The following CRPPA variants were observed in gnomAD, a reference collection of about 807,000 sequenced individuals.
The protein encoded by CRPPA is D-ribitol-5-phosphate cytidylyltransferase.
CRPPA carries 43 observed loss-of-function variants against 52.0 expected under a neutral mutation model. The observed-to-expected ratio is 0.83, with a 90% CI of 0.65 to 1.07. The LOEUF (loss-of-function observed/expected upper bound fraction) is 1.07, where lower values mean the gene tolerates loss of function less well. Among genes scored for constraint, CRPPA ranks in the 50% least tolerant of loss-of-function variants. The pLI is 0.00. For missense variants in CRPPA, 629 were observed against 551.7 expected, an observed-to-expected ratio of 1.14 and a Z score of -1.40; for synonymous variants, 250 against 203.5, an observed-to-expected ratio of 1.23 and a Z score of -1.94.
At chr7:16,345,151 G>A (rs1785979699) in intron 3 of CRPPA, among the ~76,000 whole-genome samples, 1 of 152,144 alleles carries the variant, frequency 6.6e-6, no homozygotes, top group African/African-American at 2.4e-5. Context: ...AAGATTAACA[G>A]CTTACTTCTC....
In CRPPA at chr7:16,376,073, A is replaced by T; in HGVS notation, c.684+19T>A. 6.4e-7 allele frequency: 1 copy of T among 1,552,248 alleles called. No homozygotes were observed. Among genetic ancestry groups the T allele is most frequent in the Non-Finnish European group, 8.7e-7 (1 of 1,149,302 alleles). The stretch of plus-strand genomic sequence containing the variant: ...AACCTGACATAACAGCAGCTTATTC[A>T]AAAAGCCCAAATTCTTACCTGCTGA... On this transcript the variant is annotated intron_variant, in intron 3 of 9. Transcript: ENST00000407010.
At position 16,162,973 on chromosome 7, in the gene CRPPA, CT is replaced by C. The variant is rs377244023; in HGVS notation, c.1251+53092del. Among the ~76,000 whole-genome samples, 247 of 120,818 alleles carry C rather than the reference CT, an allele frequency of 2.0e-3. 1 individual carries two copies. The highest frequency in any genetic ancestry group is 5.9e-3 in the African/African-American group (197 of 33,518). The allele number at this position is 120,818 out of a possible 152,430, so 79.3% of individuals were successfully genotyped here. On this transcript the variant is annotated intron_variant, in intron 9 of 9. Coordinates refer to ENST00000407010, the MANE Select transcript of CRPPA (RefSeq NM_001101426.4). ...TTTTTTTCTTTTTCTTTTTCTTTCTCTTTTTTTTTTTTTTTTTTGAGACGGA... is the reference window on the plus strand; with the variant it reads ...TTTTTTTCTTTTTCTTTTTCTTTCTCTTTTTTTTTTTTTTTTTGAGACGGA...
chr7:16,381,534 C>G (rs1787089026), intron 2 of CRPPA, among the ~76,000 whole-genome samples: 1 of 152,030 alleles, frequency 6.6e-6, no homozygotes, highest in Non-Finnish European at 1.5e-5. Flanking sequence ...GAGTTCAATT[C>G]CTGGGTATCC....
chr7:16,148,811 G>T (rs539495110), intron 9 of CRPPA, among the ~76,000 whole-genome samples: 13 of 152,086 alleles, frequency 8.5e-5, no homozygotes, highest in African/African-American at 3.1e-4. Flanking sequence ...AAAGTTAGGT[G>T]GATTTTAAAT....
intron 9 of CRPPA, among the ~76,000 whole-genome samples, chr7:16,154,814 T>C (rs1462124524): frequency 1.3e-5 from 2 of 151,662 alleles, no homozygotes; most frequent in East Asian, 1.9e-4. Context: ...TGGGTCTTTT[T>C]TTTTTTTTTT....
intron 8 of CRPPA, among the ~76,000 whole-genome samples, chr7:16,230,803 T>A (rs1423354095): frequency 6.6e-6 from 1 of 152,196 alleles, no homozygotes; most frequent in African/African-American, 2.4e-5. Flanking sequence ...GGTATAGCTC[T>A]GTAGCAGGTG....
At chr7:16,182,850 C>A (rs1343867911) in intron 9 of CRPPA, among the ~76,000 whole-genome samples, 2 of 152,086 alleles carry the variant, frequency 1.3e-5, no homozygotes, top group Admixed American at 6.6e-5. Flanking sequence ...TTTGAGTGTA[C>A]CCTCATAGAA....
chr7:16,293,605 C>CATT (rs1020932252), intron 5 of CRPPA, among the ~76,000 whole-genome samples: 7 of 151,966 alleles, frequency 4.6e-5, no homozygotes, highest in African/African-American at 1.7e-4. Context: ...ACCAACAAGG[C>CATT]ATTACTACAA....
At chr7:16,115,401 A>G (rs926461109) in intron 9 of CRPPA, among the ~76,000 whole-genome samples, 25 of 152,298 alleles carry the variant, frequency 1.6e-4, no homozygotes, top group African/African-American at 6.0e-4. Context: ...CGAGATATCA[A>G]CAAATGGTTT....
chr7:16,118,205 C>A (rs1304964707), intron 9 of CRPPA, among the ~76,000 whole-genome samples: 1 of 152,166 alleles, frequency 6.6e-6, no homozygotes, highest in Non-Finnish European at 1.5e-5. Context: ...TTGGGCGCAC[C>A]ACCCAAGGAG....
At chr7:16,177,399 A>G (rs955785028) in intron 9 of CRPPA, among the ~76,000 whole-genome samples, 4 of 152,178 alleles carry the variant, frequency 2.6e-5, no homozygotes, top group Admixed American at 6.5e-5. Flanking sequence ...AACTTTTTGT[A>G]AAACAGTGCA....
chr7:16,393,738 A>T (rs1583573370), intron 2 of CRPPA, among the ~76,000 whole-genome samples: 1 of 152,186 alleles, frequency 6.6e-6, no homozygotes, highest in East Asian at 1.9e-4. Context: ...AGATTAAAAA[A>T]TGCTTATTTA....
At chr7:16,360,012 T>G (rs1479451224) in intron 3 of CRPPA, among the ~76,000 whole-genome samples, 1 of 152,204 alleles carries the variant, frequency 6.6e-6, no homozygotes, top group Non-Finnish European at 1.5e-5. Flanking sequence ...CATTTTATTT[T>G]TTGTCTCCTG....
intron 2 of CRPPA, among the ~76,000 whole-genome samples, chr7:16,398,927 G>A (rs556360836): frequency 1.1e-4 from 17 of 152,338 alleles, no homozygotes; most frequent in South Asian, 4.1e-4. Context: ...TGATCGAGTC[G>A]TTACTGACAC....
intron 9 of CRPPA, among the ~76,000 whole-genome samples, chr7:16,156,800 T>C (rs903002937): frequency 6.6e-6 from 1 of 152,176 alleles, no homozygotes; most frequent in Admixed American, 6.5e-5. Flanking sequence ...CTGAAAGCTG[T>C]GGATGTTGTT....
rs1415371405 is a variant in CRPPA at position 16,421,341 on chromosome 7, G to C, written c.-19C>G. On this transcript the variant is annotated 5_prime_UTR_variant, in exon 1 of 10. Coordinates refer to ENST00000407010, the MANE Select transcript of CRPPA (RefSeq NM_001101426.4). The stretch of plus-strand genomic sequence containing the variant: ...CCTCCATGGCTGCGGGCGGAACGGC[G>C]AGCCCCGCTAGCCTCGGGCCGATGC... 4 of 1,239,516 alleles carry C rather than the reference G, an allele frequency of 3.2e-6. No homozygotes were observed. Among genetic ancestry groups the C allele is most frequent in the Admixed American group, 8.6e-5 (2 of 23,380 alleles). The allele number at this position is 1,239,516 out of a possible 1,614,324, so 76.8% of individuals were successfully genotyped here.
rs367552800 is a variant in CRPPA at position 16,209,421 on chromosome 7, C to T, written c.1251+6645G>A. ...CCAGTAGCTGGGATTACAGGTGCTC[C>T]CCACCACAATCGGCTAATTTTTGTA... On this transcript the variant is annotated intron_variant, in intron 9 of 9. Coordinates refer to ENST00000407010, the MANE Select transcript of CRPPA (RefSeq NM_001101426.4). Among the ~76,000 whole-genome samples, 98 of 151,782 alleles carry T rather than the reference C, an allele frequency of 6.5e-4. 1 individual carries two copies. Among genetic ancestry groups the T allele is most frequent in the African/African-American group, 2.2e-3 (93 of 41,456 alleles).
chr7:16,180,668 A>G (rs532669680), intron 9 of CRPPA, among the ~76,000 whole-genome samples: 1 of 152,198 alleles, frequency 6.6e-6, no homozygotes, highest in East Asian at 1.9e-4. Flanking sequence ...TCACTGTGAA[A>G]TGCCAATTCT....
At chr7:16,170,316 T>C (rs1159059930) in intron 9 of CRPPA, among the ~76,000 whole-genome samples, 1 of 152,184 alleles carries the variant, frequency 6.6e-6, no homozygotes, top group African/African-American at 2.4e-5. Flanking sequence ...TCAGAATTGG[T>C]GGGCTCTTGG....
Sources: allele counts gnomAD v4.1 joint callset (sites outside exome capture counted in the v4.1 genomes callset), GRCh38; gene constraint gnomAD v4.1.1; transcripts MANE v1.5; gene names NCBI Gene and HGNC (gene_info 2026-07-23, HGNC 2026-07-21).